CADPS: variants seen among roughly 807,000 people sequenced by gnomAD.
CADPS encodes the protein calcium-dependent secretion activator 1.
CADPS carries 57 observed loss-of-function variants against 167.3 expected under a neutral mutation model. The ratio of observed to expected loss-of-function variants is 0.34; its 90% CI spans 0.28 to 0.42. The LOEUF (loss-of-function observed/expected upper bound fraction) is 0.42. Ranked by LOEUF, CADPS falls within the 20% of genes least tolerant of loss-of-function variation. The pLI is 1.00. For synonymous variants in CADPS, 676 were observed against 635.3 expected (o/e 1.06, Z -0.96); for missense variants, 1,414 against 1,738.1 (o/e 0.81, Z 3.32).
intron 1 of CADPS, among the ~76,000 whole-genome samples, chr3:62,862,363 C>T (rs561692920): frequency 1.7e-3 from 259 of 151,846 alleles, no homozygotes; most frequent in African/African-American, 6.0e-3. Flanking sequence ...GTTACAGGCA[C>T]GCACCACCAT....
intron 3 of CADPS, among the ~76,000 whole-genome samples, chr3:62,675,818 T>C (rs1022572242): frequency 6.6e-6 from 1 of 152,134 alleles, no homozygotes; most frequent in African/African-American, 2.4e-5. Context: ...GAAACTGTTT[T>C]TAAGATTAGG....
intron 9 of CADPS, among the ~76,000 whole-genome samples, chr3:62,569,753 T>C (rs1458899729): frequency 6.6e-6 from 1 of 152,228 alleles, no homozygotes; most frequent in Non-Finnish European, 1.5e-5. Context: ...CAGTTCCAAG[T>C]TGACTCACTT....
At chr3:62,499,054 A>G (rs1241017279) in intron 18 of CADPS, 108 bp downstream of exon 18, 1 of 619,596 alleles carries the variant, frequency 1.6e-6, no homozygotes, top group Admixed American at 2.7e-5. Context: ...AATCCCAGTT[A>G]AAAGAAAATG....
At chr3:62,582,647 T>A (rs1003553085) in intron 8 of CADPS, among the ~76,000 whole-genome samples, 1 of 152,196 alleles carries the variant, frequency 6.6e-6, no homozygotes. Context: ...TTAGGCCACG[T>A]TGGGTCCGAT....
chr3:62,664,374 T>G (rs2074011493), intron 3 of CADPS, among the ~76,000 whole-genome samples: 1 of 152,212 alleles, frequency 6.6e-6, no homozygotes, highest in African/African-American at 2.4e-5. Context: ...GAACATGAGT[T>G]GGAAACTCTC....
intron 1 of CADPS, among the ~76,000 whole-genome samples, chr3:62,835,566 T>C (rs1193038053): frequency 1.3e-5 from 2 of 152,200 alleles, no homozygotes; most frequent in African/African-American, 4.8e-5. Flanking sequence ...ATCATGTGTA[T>C]ACACCTTGTA....
chr3:62,399,541 G>T lies in CADPS; in HGVS notation c.3927C>A (p.Thr1309=). The change falls in exon 30 of 30, where the codon ACC becomes ACA. Residue 1309 remains threonine, a synonymous_variant. Transcript: ENST00000383710. This position sits in a 1 kb window ranked among gnomAD's most constrained non-coding sequence, Gnocchi z 5.6. ...TCGTTTCATAGGTCTTGCTGTTTAA[G>T]GTGGAGTCCAGGACCCCTTGCAATC... ...DFRLQGVLDS[T]LNSKTYETIR... 6.2e-7 allele frequency: 1 copy of T among 1,614,116 alleles called. No homozygotes were observed. Among genetic ancestry groups the T allele is most frequent in the Non-Finnish European group, 8.5e-7 (1 of 1,179,986 alleles).
chr3:62,591,267 A>T (rs1200681860), intron 7 of CADPS, among the ~76,000 whole-genome samples: 1 of 152,228 alleles, frequency 6.6e-6, no homozygotes, highest in African/African-American at 2.4e-5. Context: ...TGGGGCAGAC[A>T]GAAGCCTGAA....
At chr3:62,784,566 A>G (rs1314087610) in intron 1 of CADPS, among the ~76,000 whole-genome samples, 1 of 152,210 alleles carries the variant, frequency 6.6e-6, no homozygotes, top group Non-Finnish European at 1.5e-5. Flanking sequence ...TGGAAGTACA[A>G]ATACTGCCTC....
chr3:62,580,742 G>C (rs1430459924), intron 8 of CADPS, among the ~76,000 whole-genome samples: 1 of 152,162 alleles, frequency 6.6e-6, no homozygotes, highest in Non-Finnish European at 1.5e-5. Flanking sequence ...CTAAGGGTAA[G>C]AGAATGTGTG....
intron 11 of CADPS, among the ~76,000 whole-genome samples, chr3:62,541,603 C>G (rs2075710941): frequency 6.6e-6 from 1 of 152,082 alleles, no homozygotes; most frequent in South Asian, 2.1e-4. Context: ...GTAATTTTGG[C>G]TTGACATTTA....
chr3:62,465,422 G>T lies in CADPS; in HGVS notation c.3581C>A (p.Ala1194Glu). ...KFVTILEGVL[A>E]KLSRYDEGTL... ...CCCTTCGTCATATCTGGATAATTTT[G>T]CCAGCACTCCTTCCAAGATAGTAAC... Residue 1194 changes from alanine (A) to glutamate (E), a missense_variant, in exon 26 of 30, where the codon GCA becomes GAA. Ala to Glu is a moderately radical substitution (Grantham distance 107). Coordinates refer to ENST00000383710, the MANE Select transcript of CADPS (RefSeq NM_003716.4). The surrounding 1 kb of genome is among the most constrained non-coding windows in gnomAD (Gnocchi z 4.1). 1 of 1,609,524 alleles carries T rather than the reference G, an allele frequency of 6.2e-7. No homozygotes were observed. Among genetic ancestry groups the T allele is most frequent in the Non-Finnish European group, 8.5e-7 (1 of 1,178,052 alleles).
chr3:62,517,998 C>G, intron 14 of CADPS, 151 bp downstream of exon 14: 1 of 646,754 alleles, frequency 1.5e-6, no homozygotes, highest in Non-Finnish European at 2.7e-6. Flanking sequence ...TATTGCGGAA[C>G]CATATCTGAT....
chr3:62,573,246 T>C (rs2081613536), intron 8 of CADPS, among the ~76,000 whole-genome samples: 1 of 152,252 alleles, frequency 6.6e-6, no homozygotes, highest in Non-Finnish European at 1.5e-5. Context: ...AAATACTATG[T>C]AAATAGTTGC....
chr3:62,684,056 A>T (rs190842086), intron 3 of CADPS, among the ~76,000 whole-genome samples: 2 of 152,042 alleles, frequency 1.3e-5, no homozygotes, highest in African/African-American at 2.4e-5. Flanking sequence ...GAAGTAAGTT[A>T]CTACATGGAG....
Position 62,753,320 on chromosome 3 carries a change from C to T in CADPS, c.888+121G>A, listed in dbSNP as rs991300019. On this transcript the variant is annotated intron_variant, in intron 3 of 29. Transcript: ENST00000383710. This position sits in a 1 kb window ranked among gnomAD's most constrained non-coding sequence, Gnocchi z 4.6. ...GCCTAAACTGTATTCAACTTTTTAC[C>T]AGTAGAGTAATAAAATATAAGTTTT... 13 of 699,352 alleles carry T rather than the reference C, an allele frequency of 1.9e-5. No homozygotes were observed. The highest frequency in any genetic ancestry group is 1.7e-4 in the Admixed American group (6 of 34,556). 43.3% of individuals were successfully genotyped at this position (699,352 alleles called of 1,614,324 possible).
intron 3 of CADPS, among the ~76,000 whole-genome samples, chr3:62,689,622 T>C (rs1395442): frequency 0.87 from 132,948 of 152,062 alleles, 58,288 homozygotes; most frequent in East Asian, 0.98. Context: ...TGTATTTGGA[T>C]GACATGTTTG....
intron 6 of CADPS, among the ~76,000 whole-genome samples, chr3:62,639,663 C>T (rs1226684829): frequency 6.6e-6 from 1 of 152,170 alleles, no homozygotes; most frequent in Non-Finnish European, 1.5e-5. Flanking sequence ...TTTCAGGTTT[C>T]AAGATGGAAA....
intron 11 of CADPS, among the ~76,000 whole-genome samples, chr3:62,543,487 T>C (rs1409753154): frequency 1.3e-5 from 2 of 152,130 alleles, no homozygotes; most frequent in African/African-American, 4.8e-5. Context: ...AAATTCCCAC[T>C]AAGTTTACAT....
Sources: allele counts gnomAD v4.1 joint callset (sites outside exome capture counted in the v4.1 genomes callset), GRCh38; gene constraint gnomAD v4.1.1; non-coding constraint Gnocchi (gnomAD v3.1); transcripts MANE v1.5; gene names NCBI Gene and HGNC (gene_info 2026-07-23, HGNC 2026-07-21).